The following ENPP6 variants were observed in gnomAD, a reference collection of about 807,000 sequenced individuals.
ENPP6 encodes the protein ectonucleotide pyrophosphatase/phosphodiesterase 6.
Under a neutral mutation model 42.0 loss-of-function variants are expected in ENPP6, and 32 were observed. That is an observed-to-expected ratio of 0.76 (90% confidence interval 0.58 to 1.02). The LOEUF is 1.02. Ranked by LOEUF, ENPP6 falls within the 50% of genes least tolerant of loss-of-function variation. The pLI is 0.00. For missense variants in ENPP6, 552 were observed against 566.8 expected (o/e 0.97, Z 0.27); for synonymous variants, 213 against 216.0 (o/e 0.99, Z 0.12).
chr4:184,120,745 T>C (rs1736402037), intron 3 of ENPP6, among the ~76,000 whole-genome samples: 1 of 152,170 alleles, frequency 6.6e-6, no homozygotes, highest in Admixed American at 6.5e-5. Flanking sequence ...GGCACATGGC[T>C]CCGGTGCCTG....
At chr4:184,148,303 G>A (rs568243703) in intron 2 of ENPP6, among the ~76,000 whole-genome samples, 2 of 152,124 alleles carry the variant, frequency 1.3e-5, no homozygotes, top group Non-Finnish European at 2.9e-5. Flanking sequence ...GTGAAGGTTG[G>A]AAGTTCGTCC....
rs33932621 is a variant in ENPP6, at chr4:184,133,872, A to AT, written c.422-9601dup. Among the ~76,000 whole-genome samples the AT allele has an allele frequency of 4.9e-3, 720 of 145,848 alleles. 7 individuals are homozygous for AT. The highest frequency in any genetic ancestry group is 0.018 in the South Asian group (84 of 4,640). On this transcript the variant is annotated intron_variant, in intron 2 of 7. Transcript: ENST00000296741. ...TTACTGTTGTAAATGATATTGATTG[A>AT]TTTTTTTTTTTTTGAGATGGAGCCT...
intron 1 of ENPP6, among the ~76,000 whole-genome samples, chr4:184,188,264 G>A (rs192513724): frequency 9.9e-5 from 15 of 152,240 alleles, no homozygotes; most frequent in Admixed American, 5.2e-4. Context: ...TTTCCCAGTC[G>A]TTTCTCTTTA....
intron 1 of ENPP6, among the ~76,000 whole-genome samples, chr4:184,194,725 A>T (rs1732767904): frequency 6.6e-6 from 1 of 152,130 alleles, no homozygotes; most frequent in African/African-American, 2.4e-5. Context: ...TGGTGGCAGA[A>T]CCCACACGGG....
intron 1 of ENPP6, among the ~76,000 whole-genome samples, chr4:184,168,969 T>C (rs1025209347): frequency 1.3e-5 from 2 of 152,146 alleles, no homozygotes; most frequent in African/African-American, 4.8e-5. Context: ...TTTTAGGATA[T>C]GTGCTTCTTA....
intron 1 of ENPP6, among the ~76,000 whole-genome samples, chr4:184,208,061 G>T (rs527986367): frequency 7.1e-6 from 1 of 141,052 alleles, no homozygotes; most frequent in African/African-American, 2.6e-5. Flanking sequence ...ACATTCTGAG[G>T]TACTGGAAAC....
chr4:184,208,934 C>T (rs962100753), intron 1 of ENPP6, among the ~76,000 whole-genome samples: 5 of 143,756 alleles, frequency 3.5e-5, no homozygotes, highest in African/African-American at 1.0e-4. Flanking sequence ...GACCCCTGAC[C>T]CCCGAGCAGC....
chr4:184,150,582 A>G (rs1057071148), intron 2 of ENPP6, among the ~76,000 whole-genome samples: 3 of 152,230 alleles, frequency 2.0e-5, no homozygotes, highest in African/African-American at 7.2e-5. Flanking sequence ...TAGACAGAGA[A>G]AGGATAGCAG....
At chr4:184,138,693 T>A (rs550290357) in intron 2 of ENPP6, among the ~76,000 whole-genome samples, 1 of 152,202 alleles carries the variant, frequency 6.6e-6, no homozygotes, top group Non-Finnish European at 1.5e-5. Context: ...TGGAAATCCC[T>A]GGGAATTAAG....
intron 1 of ENPP6, among the ~76,000 whole-genome samples, chr4:184,182,595 A>C (rs766576238): frequency 6.6e-6 from 1 of 152,250 alleles, no homozygotes; most frequent in Non-Finnish European, 1.5e-5. Context: ...TAGCAAAGAC[A>C]GAGAATCAAC....
chr4:184,198,959 C>A (rs1418727155), intron 1 of ENPP6, among the ~76,000 whole-genome samples: 1 of 152,106 alleles, frequency 6.6e-6, no homozygotes, highest in African/African-American at 2.4e-5. Flanking sequence ...ATGCTGGGGC[C>A]CTGATGACCT....
chr4:184,117,105 A>T, intron 4 of ENPP6, 70 bp from the exon 5 acceptor site: 1 of 1,558,458 alleles, frequency 6.4e-7, no homozygotes, highest in Non-Finnish European at 8.8e-7. Flanking sequence ...AACCTTGTCA[A>T]CTACAAATGA....
At chr4:184,132,818 T>C (rs76016373) in intron 2 of ENPP6, among the ~76,000 whole-genome samples, 4,572 of 137,272 alleles carry the variant, frequency 0.033, 232 homozygotes, top group African/African-American at 0.11. Context: ...TATACATATA[T>C]ACACACACAC....
intron 1 of ENPP6, among the ~76,000 whole-genome samples, chr4:184,194,031 C>T (rs148583582): frequency 9.2e-5 from 14 of 152,270 alleles, no homozygotes; most frequent in African/African-American, 2.6e-4. Context: ...AGCTCTTTGC[C>T]TCTTCCTTGT....
intron 5 of ENPP6, among the ~76,000 whole-genome samples, chr4:184,115,503 G>C (rs1040207488): frequency 6.6e-6 from 1 of 152,194 alleles, no homozygotes; most frequent in African/African-American, 2.4e-5. Context: ...TGACTGTGGG[G>C]AGCAGAGCTT....
chr4:184,168,679 G>A (rs992446919), intron 1 of ENPP6, among the ~76,000 whole-genome samples: 1 of 152,222 alleles, frequency 6.6e-6, no homozygotes, highest in Non-Finnish European at 1.5e-5. Context: ...GGCCAGCCTT[G>A]AATTCTGGGT....
chr4:184,163,873 T>C (rs1737306310), intron 1 of ENPP6, among the ~76,000 whole-genome samples: 1 of 152,228 alleles, frequency 6.6e-6, no homozygotes, highest in Non-Finnish European at 1.5e-5. Context: ...AACGTGGGGA[T>C]ATAAGTGAGG....
At chr4:184,115,070 A>C (rs546917907) in intron 5 of ENPP6, among the ~76,000 whole-genome samples, 260 of 152,300 alleles carry the variant, frequency 1.7e-3, no homozygotes, top group Middle Eastern at 3.4e-3. Context: ...CGGAGTTCTT[A>C]AGGAAAGGAG....
intron 7 of ENPP6, among the ~76,000 whole-genome samples, chr4:184,095,877 TCG>T: frequency 6.6e-6 from 1 of 152,066 alleles, no homozygotes; most frequent in African/African-American, 2.4e-5. Context: ...GTAGTTACCC[TCG>T]GGGTGCTCCA....
Sources: allele counts gnomAD v4.1 joint callset (sites outside exome capture counted in the v4.1 genomes callset), GRCh38; gene constraint gnomAD v4.1.1; transcripts MANE v1.5; gene names NCBI Gene and HGNC (gene_info 2026-07-23, HGNC 2026-07-21).